Variants in SEMA6D observed in about 807,000 individuals in gnomAD.
SEMA6D encodes semaphorin 6D.
A neutral mutation model predicts 106.6 loss-of-function variants in SEMA6D; 35 were observed. The observed-to-expected ratio is 0.33, with a 90% CI of 0.25 to 0.44. SEMA6D has a LOEUF of 0.44. Among genes scored for constraint, SEMA6D ranks in the 20% least tolerant of loss-of-function variants. The pLI, the probability that SEMA6D is intolerant of heterozygous loss-of-function variation, is 1.00. For missense variants in SEMA6D, 1,185 were observed against 1,345.9 expected, an observed-to-expected ratio of 0.88 and a Z score of 1.87; for synonymous variants, 499 against 487.7, an observed-to-expected ratio of 1.02 and a Z score of -0.31.
At chr15:47,311,389 G>A (rs868661098) in intron 1 of SEMA6D, among the ~76,000 whole-genome samples, 1 of 152,088 alleles carries the variant, frequency 6.6e-6, no homozygotes, top group African/African-American at 2.4e-5. Context: ...TATTTGTCAA[G>A]TGTTTTCACC....
chr15:47,527,282 G>GA (rs370252620), intron 3 of SEMA6D, among the ~76,000 whole-genome samples: 125 of 149,720 alleles, frequency 8.3e-4, no homozygotes, highest in African/African-American at 2.7e-3. Context: ...AAGAAATTTT[G>GA]AAAAAAAAAT....
chr15:47,691,556 AAT>A (rs1480052297), intron 4 of SEMA6D, among the ~76,000 whole-genome samples: 1 of 152,178 alleles, frequency 6.6e-6, no homozygotes, highest in Non-Finnish European at 1.5e-5. Flanking sequence ...AAATAGTGAT[AAT>A]AGTTTCTATC....
Position 47,530,561 on chromosome 15 carries a change from A to C in SEMA6D, c.-87+60016A>C, listed in dbSNP as rs115156292. Among the ~76,000 whole-genome samples, 712 of 152,300 alleles carry C rather than the reference A, an allele frequency of 4.7e-3. 5 individuals carry two copies. Among genetic ancestry groups the C allele is most frequent in the African/African-American group, 0.016 (682 of 41,568 alleles). On this transcript the variant is annotated intron_variant, in intron 3 of 19. Transcript: ENST00000558014. ...ACATAGTTTTTTTGCTAGTTTACCT[A>C]ATTAAGATCACAAGATTTTTAAAGA...
intron 3 of SEMA6D, among the ~76,000 whole-genome samples, chr15:47,499,789 G>A (rs373445074): frequency 1.3e-4 from 20 of 151,976 alleles, no homozygotes; most frequent in Admixed American, 7.9e-4. Flanking sequence ...GTAAATCTTG[G>A]GTTGATAGCC....
chr15:47,320,304 C>A (rs1456525150), intron 1 of SEMA6D, among the ~76,000 whole-genome samples: 1 of 152,116 alleles, frequency 6.6e-6, no homozygotes, highest in East Asian at 1.9e-4. Context: ...TCTTGGTACC[C>A]CTGGCTAGAG....
Position 47,254,875 on chromosome 15 carries a change from T to TTGTGTGTGTGTGTGTG in SEMA6D, c.-239+70483_-239+70498dup, listed in dbSNP as rs58271041. 5.8e-3 allele frequency among the ~76,000 whole-genome samples: 782 copies of TTGTGTGTGTGTGTGTG among 134,386 alleles called. 14 individuals are homozygous for TTGTGTGTGTGTGTGTG. The highest frequency in any genetic ancestry group is 0.012 in the Middle Eastern group (3 of 248). The allele number at this position is 134,386 out of a possible 152,430, so 88.2% of individuals were successfully genotyped here. On this transcript the variant is annotated intron_variant, in intron 1 of 19. Transcript: ENST00000558014. ...TCATCAGGGATATTGACCTGTGGTT[T>TTGTGTGTGTGTGTGTG]TGTGTGTGTGTGTGTGTGTGTGTGT...
rs1555425939 is a variant in SEMA6D, at chr15:47,348,727, C to CCACACAGAGAGAGAGAGAGAGAGAGAG, written c.-238-63666_-238-63665insCACACAGAGAGAGAGAGAGAGAGAGAG. ...CACACACACACACACACCACACACA[C>CCACACAGAGAGAGAGAGAGAGAGAGAG]AGAGAGAGAGAGAGAGAGAGAGAGA... is the stretch of plus-strand genomic sequence containing the variant. On this transcript the variant is annotated intron_variant, in intron 1 of 19. Transcript: ENST00000558014. Among the ~76,000 whole-genome samples, 25 of 57,108 alleles carry CCACACAGAGAGAGAGAGAGAGAGAGAG rather than the reference C, an allele frequency of 4.4e-4. 1 individual carries two copies. The highest frequency in any genetic ancestry group is 7.2e-4 in the Non-Finnish European group (18 of 25,040). 37.5% of individuals were successfully genotyped at this position (57,108 alleles called of 152,430 possible). A position where few individuals can be genotyped will look rare whatever the true frequency, so the allele number is the denominator to read the frequency against.
intron 8 of SEMA6D, 137 bp from the exon 9 acceptor site, chr15:47,762,879 C>G: frequency 3.1e-6 from 2 of 638,568 alleles, no homozygotes; most frequent in Non-Finnish European, 5.3e-6. Flanking sequence ...TGGGACTCCT[C>G]AAAGTCATTG....
intron 3 of SEMA6D, among the ~76,000 whole-genome samples, chr15:47,573,479 C>T (rs2076100240): frequency 6.6e-6 from 1 of 152,204 alleles, no homozygotes; most frequent in Non-Finnish European, 1.5e-5. Flanking sequence ...GTGGCCTTTA[C>T]GTCAATCAGT....
chr15:47,654,210 C>A (rs1720929639), intron 4 of SEMA6D, among the ~76,000 whole-genome samples: 1 of 152,096 alleles, frequency 6.6e-6, no homozygotes, highest in Admixed American at 6.5e-5. Flanking sequence ...ACTTTTTAAC[C>A]AGTTTTGTAA....
chr15:47,499,613 G>A (rs1448831004), intron 3 of SEMA6D, among the ~76,000 whole-genome samples: 1 of 152,070 alleles, frequency 6.6e-6, no homozygotes, highest in Non-Finnish European at 1.5e-5. Flanking sequence ...TTTCAGTTGT[G>A]TGATTTTAAG....
At chr15:47,505,925 G>A (rs967890272) in intron 3 of SEMA6D, among the ~76,000 whole-genome samples, 1 of 152,064 alleles carries the variant, frequency 6.6e-6, no homozygotes, top group African/African-American at 2.4e-5. Flanking sequence ...CTGATGTGTG[G>A]GACGTGATTG....
chr15:47,694,626 A>C (rs1260388404), intron 4 of SEMA6D, among the ~76,000 whole-genome samples: 1 of 152,072 alleles, frequency 6.6e-6, no homozygotes, highest in African/African-American at 2.4e-5. Flanking sequence ...CCTGTGGCTT[A>C]GCTGTGTATT....
At chr15:47,370,755 A>G (rs555820528) in intron 1 of SEMA6D, among the ~76,000 whole-genome samples, 10 of 151,678 alleles carry the variant, frequency 6.6e-5, no homozygotes, top group African/African-American at 2.4e-4. Flanking sequence ...AGCTACTCAT[A>G]AAGCTGAGGC....
chr15:47,517,715 T>C (rs986286049), intron 3 of SEMA6D, among the ~76,000 whole-genome samples: 1 of 152,160 alleles, frequency 6.6e-6, no homozygotes, highest in Admixed American at 6.5e-5. Flanking sequence ...TTTTGTTTGT[T>C]TGTCTGTTTA....
intron 4 of SEMA6D, among the ~76,000 whole-genome samples, chr15:47,658,902 G>A (rs957365002): frequency 6.6e-6 from 1 of 151,614 alleles, no homozygotes; most frequent in Non-Finnish European, 1.5e-5. Flanking sequence ...TATAAAAGGA[G>A]AAAAAATATC....
Position 47,316,622 on chromosome 15 carries a change from A to G in SEMA6D, c.-238-95771A>G, listed in dbSNP as rs200272387. On this transcript the variant is annotated intron_variant, in intron 1 of 19. Coordinates refer to the SEMA6D transcript ENST00000558014. Reference sequence around the variant, plus strand: ...TTATTGAGAGGTTTTTTTTTTTTTTATCATAAATGGTTATTGGATGTTGCC... The same window carrying G: ...TTATTGAGAGGTTTTTTTTTTTTTTGTCATAAATGGTTATTGGATGTTGCC... Among the ~76,000 whole-genome samples the G allele has an allele frequency of 3.0e-3, 287 of 95,618 alleles. 2 individuals carry two copies. The highest frequency in any genetic ancestry group is 9.8e-3 in the African/African-American group (261 of 26,520). 62.7% of individuals were successfully genotyped at this position (95,618 alleles called of 152,430 possible).
chr15:47,588,420 T>G (rs2076380827), intron 3 of SEMA6D, among the ~76,000 whole-genome samples: 2 of 152,142 alleles, frequency 1.3e-5, no homozygotes, highest in Admixed American at 6.5e-5. Flanking sequence ...AGCTGCCCCC[T>G]CCTTCACAGA....
Position 47,279,839 on chromosome 15 carries a change from G to C in SEMA6D, c.-239+95421G>C, listed in dbSNP as rs2035024754. On this transcript the variant is annotated intron_variant, in intron 1 of 19. Transcript: ENST00000558014. ...TATGCTGGATTACATTTATTGATTTGCATATATTGAACCAGCCTTGCATCC... is the reference window on the plus strand; with the variant it reads ...TATGCTGGATTACATTTATTGATTTCCATATATTGAACCAGCCTTGCATCC... Among the ~76,000 whole-genome samples the C allele has an allele frequency of 3.3e-5, 5 of 150,148 alleles. 1 individual carries two copies. The South Asian group carries it at 1.1e-3, about 32-fold the overall frequency.
Sources: gnomAD v4.1 joint callset for allele counts (sites outside exome capture counted in the v4.1 genomes callset) on GRCh38, gnomAD v4.1.1 for gene constraint, MANE v1.5 for transcripts, NCBI Gene and HGNC (gene_info 2026-07-23, HGNC 2026-07-21) for gene names.